Variants in BRINP1 observed in about 807,000 individuals in gnomAD.
BRINP1 encodes BMP/retinoic acid-inducible neural-specific protein 1.
BRINP1 carries 17 observed loss-of-function variants against 72.9 expected under a neutral mutation model. That is an observed-to-expected ratio of 0.23 (90% confidence interval 0.16 to 0.35). The LOEUF is 0.35. BRINP1 is among the 10% of genes least tolerant of loss of function. The pLI, the probability that BRINP1 is intolerant of heterozygous loss-of-function variation, is 1.00. For synonymous variants in BRINP1, 418 were observed against 378.5 expected (o/e 1.10, Z -1.21); for missense variants, 850 against 1,001.6 (o/e 0.85, Z 2.04).
intron 5 of BRINP1, among the ~76,000 whole-genome samples, chr9:119,233,648 TG>T (rs1830166958): frequency 6.6e-6 from 1 of 152,168 alleles, no homozygotes; most frequent in Admixed American, 6.6e-5. Flanking sequence ...AGATACGTAT[TG>T]TATACACAGA....
chr9:119,298,393 C>T (rs1456892453), intron 2 of BRINP1, among the ~76,000 whole-genome samples: 1 of 152,122 alleles, frequency 6.6e-6, no homozygotes, highest in East Asian at 1.9e-4. Flanking sequence ...GAATTTGAGG[C>T]TCAGATCACT....
At chr9:119,224,391 A>G (rs1249101353) in intron 5 of BRINP1, among the ~76,000 whole-genome samples, 5 of 152,060 alleles carry the variant, frequency 3.3e-5, no homozygotes, top group Non-Finnish European at 1.5e-5. Flanking sequence ...ATATGCCCAA[A>G]CCCAAATACA....
chr9:119,226,582 T>C (rs1183303110), intron 5 of BRINP1, among the ~76,000 whole-genome samples: 1 of 152,042 alleles, frequency 6.6e-6, no homozygotes, highest in Non-Finnish European at 1.5e-5. Flanking sequence ...TCCCTCCAGA[T>C]TCCAGGTTTC....
intron 7 of BRINP1, among the ~76,000 whole-genome samples, chr9:119,168,887 G>C (rs1829361725): frequency 1.3e-5 from 2 of 152,148 alleles, no homozygotes; most frequent in Admixed American, 1.3e-4. Context: ...GTTGATGTGA[G>C]TATAAGTCAG....
rs761389027 is a variant in BRINP1, at chr9:119,166,838, C to T, written c.*246G>A. ...CCTGAGGCCTAAGAAGCAACTCCCT[C>T]AATGCTCCACAAAAGGCTGAGACCC... On this transcript the variant is annotated 3_prime_UTR_variant, in exon 8 of 8. Coordinates refer to ENST00000265922, the MANE Select transcript of BRINP1 (RefSeq NM_014618.3). 12 of 445,128 alleles carry T rather than the reference C, an allele frequency of 2.7e-5. No individual in the cohort carries two copies. Among genetic ancestry groups the T allele is most frequent in the Non-Finnish European group, 4.4e-5 (11 of 249,786 alleles). The allele number at this position is 445,128 out of a possible 1,614,324, so 27.6% of individuals were successfully genotyped here.
chr9:119,172,947 ACT>A (rs1829434382), intron 7 of BRINP1, among the ~76,000 whole-genome samples: 1 of 150,438 alleles, frequency 6.6e-6, no homozygotes, highest in African/African-American at 2.5e-5. Flanking sequence ...CATGCTAAAA[ACT>A]CTCAATAAAT....
At chr9:119,168,360 G>A in intron 7 of BRINP1, 136 bp from the exon 8 acceptor site, 1 of 629,496 alleles carries the variant, frequency 1.6e-6, no homozygotes, top group Non-Finnish European at 2.5e-6. Context: ...ATACAGGAAG[G>A]GCATCGAATA....
At chr9:119,300,032 G>A (rs986410362) in intron 2 of BRINP1, among the ~76,000 whole-genome samples, 3 of 151,996 alleles carry the variant, frequency 2.0e-5, no homozygotes, top group South Asian at 2.1e-4. Flanking sequence ...CCACAGTACC[G>A]CCTTCCTCAG....
At chr9:119,290,313 A>G (rs1441599322) in intron 2 of BRINP1, among the ~76,000 whole-genome samples, 1 of 152,212 alleles carries the variant, frequency 6.6e-6, no homozygotes, top group South Asian at 2.1e-4. Context: ...TCAGGAACAG[A>G]CAGACATAGA....
intron 5 of BRINP1, among the ~76,000 whole-genome samples, chr9:119,234,117 T>C (rs903735520): frequency 1.3e-5 from 2 of 152,208 alleles, no homozygotes; most frequent in Non-Finnish European, 2.9e-5. Context: ...TTATGTCTTC[T>C]GGTGAGCATG....
rs371877166 is a variant in BRINP1, at chr9:119,299,339, C to T, written c.218+13799G>A. On this transcript the variant is annotated intron_variant, in intron 2 of 7. Transcript: ENST00000265922. ...TATAAGTGAGTACAAGTGGGCCGGG[C>T]GCGGTGGCTCATGCCTGTAATCCCA... Among the ~76,000 whole-genome samples, 26 of 152,218 alleles carry T rather than the reference C, an allele frequency of 1.7e-4. 1 individual carries two copies. Among genetic ancestry groups the T allele is most frequent in the African/African-American group, 4.1e-4 (17 of 41,550 alleles).
chr9:119,261,532 C>A (rs1216201064), intron 2 of BRINP1, among the ~76,000 whole-genome samples: 1 of 152,170 alleles, frequency 6.6e-6, no homozygotes, highest in Admixed American at 6.5e-5. Flanking sequence ...AATTTTAATT[C>A]TGTTCTTTCT....
chr9:119,300,372 A>G (rs1008490030), intron 2 of BRINP1, among the ~76,000 whole-genome samples: 10 of 152,204 alleles, frequency 6.6e-5, no homozygotes, highest in African/African-American at 2.2e-4. Flanking sequence ...AAATAGTATA[A>G]CTAAACTCTT....
At chr9:119,236,402 A>G (rs776711781) in intron 5 of BRINP1, among the ~76,000 whole-genome samples, 1 of 152,214 alleles carries the variant, frequency 6.6e-6, no homozygotes, top group African/African-American at 2.4e-5. Flanking sequence ...AAAATTAGAT[A>G]GGAAATCAAG....
intron 2 of BRINP1, among the ~76,000 whole-genome samples, chr9:119,305,865 C>T (rs1830992749): frequency 6.6e-6 from 1 of 152,158 alleles, no homozygotes; most frequent in Non-Finnish European, 1.5e-5. Flanking sequence ...AGTGCAGGGC[C>T]TGACTAGTAG....
intron 7 of BRINP1, among the ~76,000 whole-genome samples, chr9:119,183,672 AATG>A (rs1829581143): frequency 6.6e-6 from 1 of 152,246 alleles, no homozygotes; most frequent in African/African-American, 2.4e-5. Flanking sequence ...AAACAATCAG[AATG>A]ATATTAATAA....
chr9:119,167,413 A>G lies in BRINP1; in HGVS notation c.1957T>C (p.Ser653Pro). Residue 653 changes from serine to proline, a missense_variant, in exon 8 of 8, where the codon TCA becomes CCA. Physicochemically the swap from Ser to Pro is moderately conservative, Grantham distance 74. Transcript: ENST00000265922. The surrounding 1 kb of genome is among the most constrained non-coding windows in gnomAD (Gnocchi z 4.3). ...CTATACCCAAACACCTGCACGTCTG[A>G]GATCTTGATGTAGAACTGCCTCTTG... ...PSKRQFYIKI[S>P]DVQVFGYSLR... is the part of the protein sequence containing the mutation. The G allele has an allele frequency of 6.2e-7, 1 of 1,614,002 alleles. No individual in the cohort carries two copies.
At chr9:119,272,480 GA>G (rs1377235868) in intron 2 of BRINP1, among the ~76,000 whole-genome samples, 1 of 152,166 alleles carries the variant, frequency 6.6e-6, no homozygotes, top group Non-Finnish European at 1.5e-5. Context: ...GACTAAAGCT[GA>G]ATTCATAAGA....
In BRINP1 at chr9:119,317,029, C is replaced by T. The variant is rs980872850; in HGVS notation, c.-50-3624G>A. ...TCGCTTGAACCCGGGAGGCGGAGGT[C>T]GCCGGGAACCAAGATCGCACCACTG... On this transcript the variant is annotated intron_variant, in intron 1 of 7. Coordinates refer to ENST00000265922, the MANE Select transcript of BRINP1 (RefSeq NM_014618.3). Among the ~76,000 whole-genome samples the T allele has an allele frequency of 1.8e-4, 28 of 151,482 alleles. 1 individual carries two copies. The highest frequency in any genetic ancestry group is 4.9e-4 in the African/African-American group (20 of 40,958).
Sources: gnomAD v4.1 joint callset for allele counts (sites outside exome capture counted in the v4.1 genomes callset) on GRCh38, gnomAD v4.1.1 for gene constraint, Gnocchi (gnomAD v3.1) non-coding constraint, MANE v1.5 for transcripts, NCBI Gene and HGNC (gene_info 2026-07-23, HGNC 2026-07-21) for gene names.